MAGI2: variants seen among roughly 807,000 people sequenced by gnomAD.
MAGI2 encodes membrane-associated guanylate kinase, WW and PDZ domain-containing protein 2.
A neutral mutation model predicts 133.3 loss-of-function variants in MAGI2; 35 were observed. The observed-to-expected ratio is 0.26, with a 90% confidence interval of 0.20 to 0.35. The LOEUF is 0.35. Ranked by LOEUF, MAGI2 falls within the 10% of genes least tolerant of loss-of-function variation. MAGI2 has a pLI of 1.00. For missense variants in MAGI2, 1,636 were observed against 1,863.4 expected (o/e 0.88, Z 2.25); for synonymous variants, 729 against 710.6 (o/e 1.03, Z -0.41).
chr7:78,777,540 A>G (rs935602971), intron 2 of MAGI2, among the ~76,000 whole-genome samples: 2 of 152,104 alleles, frequency 1.3e-5, no homozygotes, highest in Non-Finnish European at 2.9e-5. Context: ...TATCTTCACT[A>G]CTATCACTAT....
chr7:78,578,547 G>A (rs896512317), intron 3 of MAGI2, among the ~76,000 whole-genome samples: 1 of 152,104 alleles, frequency 6.6e-6, no homozygotes, highest in African/African-American at 2.4e-5. Context: ...ATAAAAAATG[G>A]AGGATTATTT....
intron 10 of MAGI2, among the ~76,000 whole-genome samples, chr7:78,205,000 A>C (rs1829600849): frequency 6.6e-6 from 1 of 152,260 alleles, no homozygotes; most frequent in Admixed American, 6.5e-5. Flanking sequence ...GCATAGTGAG[A>C]TGGGCAGAGA....
chr7:78,473,919 T>C (rs981347500), intron 6 of MAGI2, among the ~76,000 whole-genome samples: 1 of 152,000 alleles, frequency 6.6e-6, no homozygotes, highest in Non-Finnish European at 1.5e-5. Flanking sequence ...TCTGGTCAGA[T>C]ACCTATAAAA....
At chr7:78,159,152 C>T (rs1473514384) in intron 16 of MAGI2, among the ~76,000 whole-genome samples, 2 of 152,198 alleles carry the variant, frequency 1.3e-5, no homozygotes, top group African/African-American at 4.8e-5. Flanking sequence ...ACTCTGTCTC[C>T]CCGCACAGCC....
chr7:79,199,962 C>A (rs1828441688), intron 1 of MAGI2, among the ~76,000 whole-genome samples: 2 of 151,890 alleles, frequency 1.3e-5, no homozygotes, highest in Admixed American at 6.6e-5. Flanking sequence ...AAATATATCA[C>A]TAATTCTTAG....
chr7:79,075,120 C>G, intron 1 of MAGI2, among the ~76,000 whole-genome samples: 1 of 152,198 alleles, frequency 6.6e-6, no homozygotes, highest in Admixed American at 6.5e-5. Context: ...GAAAAACAAC[C>G]TTCTCTTCTC....
At chr7:79,245,749 A>G (rs1832773976) in intron 1 of MAGI2, among the ~76,000 whole-genome samples, 1 of 152,140 alleles carries the variant, frequency 6.6e-6, no homozygotes, top group Non-Finnish European at 1.5e-5. Flanking sequence ...AGGCTTCACT[A>G]TCTGCTGATT....
intron 1 of MAGI2, among the ~76,000 whole-genome samples, chr7:79,421,063 A>T (rs1846922949): frequency 6.6e-6 from 1 of 152,048 alleles, no homozygotes. Flanking sequence ...ATGTAACAAC[A>T]CCAGATAGAA....
Position 78,511,776 on chromosome 7 carries a change from T to TA in MAGI2, c.754+9653dup, listed in dbSNP as rs71517022. The stretch of plus-strand genomic sequence containing the variant: ...CGTGCTCTGAAGTGGTTCTAAGTGC[T>TA]AAAAAAAAATTCATTATAATTAATA... On this transcript the variant is annotated intron_variant, in intron 4 of 21. Transcript: ENST00000354212. 2.0e-3 allele frequency among the ~76,000 whole-genome samples: 294 copies of TA among 149,434 alleles called. 2 individuals carry two copies. Among genetic ancestry groups the TA allele is most frequent in the Admixed American group, 3.2e-3 (48 of 15,000 alleles).
Position 79,255,156 on chromosome 7 carries a change from C to A in MAGI2, c.301+197864G>T, listed in dbSNP as rs560166031. 2.0e-5 allele frequency among the ~76,000 whole-genome samples: 3 copies of A among 152,288 alleles called. No individual in the cohort carries two copies. In the East Asian group the frequency reaches 5.8e-4, roughly 29 times the overall value. On this transcript the variant is annotated intron_variant, in intron 1 of 21. Transcript: ENST00000354212. ...ATACTTTCATTATTATACTTACTTA[C>A]AAACACCCATATCCCATGAAAAAGA...
chr7:78,410,614 A>G (rs538925668), intron 6 of MAGI2, among the ~76,000 whole-genome samples: 3 of 152,204 alleles, frequency 2.0e-5, no homozygotes, highest in South Asian at 2.1e-4. Context: ...TACATAGTTG[A>G]TGAAGAAATA....
At chr7:79,165,528 C>T (rs533991792) in intron 1 of MAGI2, among the ~76,000 whole-genome samples, 1 of 152,094 alleles carries the variant, frequency 6.6e-6, no homozygotes, top group East Asian at 1.9e-4. Flanking sequence ...TTTAGGACTA[C>T]AAACACATAC....
chr7:78,186,181 G>C (rs1827679606), intron 12 of MAGI2, among the ~76,000 whole-genome samples: 2 of 152,098 alleles, frequency 1.3e-5, no homozygotes, highest in African/African-American at 4.8e-5. Flanking sequence ...AAGTAGTTGA[G>C]TTAAATTGGT....
chr7:79,288,629 C>G (rs1221682040), intron 1 of MAGI2, among the ~76,000 whole-genome samples: 2 of 152,062 alleles, frequency 1.3e-5, no homozygotes, highest in African/African-American at 4.8e-5. Flanking sequence ...CAACTGGTAA[C>G]TATCCGTAAG....
intron 12 of MAGI2, among the ~76,000 whole-genome samples, chr7:78,187,993 C>T (rs2150715342): frequency 6.6e-6 from 1 of 152,272 alleles, no homozygotes; most frequent in South Asian, 2.1e-4. Flanking sequence ...TTTTACTCCT[C>T]CCCCTGCCTT....
At chr7:78,131,813 T>G (rs947062100) in intron 18 of MAGI2, among the ~76,000 whole-genome samples, 3 of 152,210 alleles carry the variant, frequency 2.0e-5, no homozygotes, top group Admixed American at 1.3e-4. Flanking sequence ...ATGTGTGGAA[T>G]AGAAGAACCT....
At chr7:78,916,854 C>G (rs1416422248) in intron 2 of MAGI2, among the ~76,000 whole-genome samples, 2 of 152,094 alleles carry the variant, frequency 1.3e-5, no homozygotes, top group African/African-American at 4.8e-5. Flanking sequence ...TGTTCTGTGA[C>G]ATTCTGAAGG....
intron 9 of MAGI2, among the ~76,000 whole-genome samples, chr7:78,324,498 C>A (rs1454017076): frequency 6.6e-6 from 1 of 152,108 alleles, no homozygotes; most frequent in Non-Finnish European, 1.5e-5. Flanking sequence ...AACTTCAGTT[C>A]TTTATTTGTA....
chr7:78,983,479 G>A (rs1804965610), intron 2 of MAGI2, among the ~76,000 whole-genome samples: 2 of 151,822 alleles, frequency 1.3e-5, no homozygotes, highest in East Asian at 3.9e-4. Flanking sequence ...TATTACAATA[G>A]TACTTTTTCT....
Sources: allele counts gnomAD v4.1 joint callset (sites outside exome capture counted in the v4.1 genomes callset), GRCh38; gene constraint gnomAD v4.1.1; transcripts MANE v1.5; gene names NCBI Gene and HGNC (gene_info 2026-07-23, HGNC 2026-07-21).